EFCAB5: variants seen among roughly 807,000 people sequenced by gnomAD.
EFCAB5 encodes the protein EF-hand calcium-binding domain-containing protein 5.
In EFCAB5, 131 loss-of-function variants were observed where a neutral mutation model predicts 167.9. The ratio of observed to expected loss-of-function variants is 0.78; its 90% CI spans 0.68 to 0.90. The LOEUF (loss-of-function observed/expected upper bound fraction) is 0.90. Ranked by LOEUF, EFCAB5 falls within the 40% of genes least tolerant of loss-of-function variation. The pLI is 0.00. For missense variants in EFCAB5, 1,663 were observed against 1,745.2 expected, an observed-to-expected ratio of 0.95 and a Z score of 0.84; for synonymous variants, 574 against 602.8, an observed-to-expected ratio of 0.95 and a Z score of 0.70.
intron 22 of EFCAB5, among the ~76,000 whole-genome samples, chr17:30,101,372 G>A (rs920399140): frequency 1.3e-5 from 2 of 152,162 alleles, no homozygotes; most frequent in Non-Finnish European, 2.9e-5. Context: ...CAGTTTGAGT[G>A]TGGAATGAGA....
At chr17:29,967,325 G>A (rs2067850228) in intron 3 of EFCAB5, among the ~76,000 whole-genome samples, 2 of 152,282 alleles carry the variant, frequency 1.3e-5, no homozygotes, top group South Asian at 4.1e-4. Context: ...GCTGTCAATA[G>A]GTCATTTTCT....
At chr17:29,960,175 G>A (rs1328519206) in intron 3 of EFCAB5, among the ~76,000 whole-genome samples, 1 of 152,146 alleles carries the variant, frequency 6.6e-6, no homozygotes, top group Non-Finnish European at 1.5e-5. Flanking sequence ...ATCATATTCT[G>A]TCTCTGTACT....
chr17:29,960,803 G>A (rs918417623), intron 3 of EFCAB5, among the ~76,000 whole-genome samples: 1 of 151,822 alleles, frequency 6.6e-6, no homozygotes, highest in Non-Finnish European at 1.5e-5. Context: ...GGGATTTCTG[G>A]GTCATATGTA....
At chr17:30,051,038 C>A in intron 8 of EFCAB5, 80 bp from the exon 9 acceptor site, 2 of 1,146,386 alleles carry the variant, frequency 1.7e-6, no homozygotes, top group South Asian at 1.4e-5. Context: ...ATGATAAAAG[C>A]TTCAATAAGC....
chr17:29,951,850 C>G (rs1046030040), intron 3 of EFCAB5, among the ~76,000 whole-genome samples: 2 of 152,138 alleles, frequency 1.3e-5, no homozygotes, highest in African/African-American at 4.8e-5. Context: ...AACCACTGCT[C>G]TACAGTAGGA....
chr17:30,034,033 G>T (rs1320140321), intron 7 of EFCAB5, among the ~76,000 whole-genome samples, 197 bp from the exon 8 acceptor site: 2 of 152,194 alleles, frequency 1.3e-5, no homozygotes, highest in South Asian at 2.1e-4. Flanking sequence ...TGGTATTGGG[G>T]ACTGCATTAG....
chr17:29,995,817 C>T (rs1216967516), intron 5 of EFCAB5, among the ~76,000 whole-genome samples: 1 of 152,114 alleles, frequency 6.6e-6, no homozygotes, highest in African/African-American at 2.4e-5. Flanking sequence ...ATCATTTCAT[C>T]CTTTCTTAAA....
chr17:30,021,196 G>A (rs984456615), intron 7 of EFCAB5, among the ~76,000 whole-genome samples: 5 of 150,732 alleles, frequency 3.3e-5, no homozygotes, highest in African/African-American at 1.2e-4. Flanking sequence ...AAATAAGAGA[G>A]GAAAGTTAGG....
intron 9 of EFCAB5, among the ~76,000 whole-genome samples, 196 bp downstream of exon 9, chr17:30,051,413 A>G (rs2070093900): frequency 2.0e-5 from 3 of 152,192 alleles, no homozygotes; most frequent in Admixed American, 2.0e-4. Context: ...CATCACAACT[A>G]GATGTATTTT....
chr17:29,943,836 A>G (rs1458257129), intron 3 of EFCAB5, among the ~76,000 whole-genome samples, 187 bp downstream of exon 3: 1 of 152,070 alleles, frequency 6.6e-6, no homozygotes, highest in Non-Finnish European at 1.5e-5. Context: ...TTAGCTGGGC[A>G]TAGTGGCGGG....
At chr17:30,044,596 T>C (rs549245695) in intron 8 of EFCAB5, among the ~76,000 whole-genome samples, 178 of 152,002 alleles carry the variant, frequency 1.2e-3, no homozygotes, top group African/African-American at 4.2e-3. Context: ...AAAAATCTGA[T>C]ATTCATTATA....
chr17:30,057,642 A>G, intron 12 of EFCAB5, 34 bp from the exon 13 acceptor site: 1 of 1,575,148 alleles, frequency 6.3e-7, no homozygotes, highest in Non-Finnish European at 8.7e-7. Flanking sequence ...AAAATTGTTC[A>G]CTTTACTGCT....
chr17:30,073,903 AT>A (rs1333218987), intron 14 of EFCAB5: 2 of 300,556 alleles, frequency 6.7e-6, no homozygotes, highest in Non-Finnish European at 1.2e-5. Flanking sequence ...CTTAAAAAAA[AT>A]AAATAAAAGA....
chr17:30,101,460 G>A (rs1413858212), intron 22 of EFCAB5, among the ~76,000 whole-genome samples: 1 of 152,222 alleles, frequency 6.6e-6, no homozygotes, highest in Non-Finnish European at 1.5e-5. Context: ...GAACACGTAG[G>A]TGGAGCAGGC....
rs868613394 is a variant in EFCAB5 at position 30,097,063 on chromosome 17, T to A, written c.4321+4127T>A. ...ATATACATATACATATATATATATT[T>A]TTTTTTTTTTGAGATGGAGTTTCGC... On this transcript the variant is annotated intron_variant, in intron 22 of 22. Coordinates refer to ENST00000394835, the MANE Select transcript of EFCAB5 (RefSeq NM_198529.4). 7.3e-3 allele frequency among the ~76,000 whole-genome samples: 903 copies of A among 122,968 alleles called. 11 individuals carry two copies. The highest frequency in any genetic ancestry group is 0.025 in the African/African-American group (481 of 19,262). 80.7% of individuals were successfully genotyped at this position (122,968 alleles called of 152,430 possible). A position where few individuals can be genotyped will look rare whatever the true frequency, so the allele number is the denominator to read the frequency against.
At chr17:29,934,066 T>C (rs2067224888) in intron 1 of EFCAB5, among the ~76,000 whole-genome samples, 1 of 152,216 alleles carries the variant, frequency 6.6e-6, no homozygotes, top group African/African-American at 2.4e-5. Flanking sequence ...CAAACAAAGA[T>C]GTCTAAAAAT....
At chr17:30,096,356 G>T (rs1052626481) in intron 22 of EFCAB5, among the ~76,000 whole-genome samples, 19 of 152,144 alleles carry the variant, frequency 1.2e-4, no homozygotes, top group Admixed American at 1.2e-3. Flanking sequence ...CTGCTACTTT[G>T]ATATCTGATT....
chr17:30,029,237 C>T (rs892601082), intron 7 of EFCAB5, among the ~76,000 whole-genome samples: 16 of 152,090 alleles, frequency 1.1e-4, no homozygotes, highest in African/African-American at 3.1e-4. Context: ...ATTCATTGTA[C>T]GTTGAAAATA....
upstream of EFCAB5, among the ~76,000 whole-genome samples, chr17:29,938,432 T>C (rs1475085333): frequency 2.6e-5 from 4 of 152,214 alleles, no homozygotes; most frequent in Non-Finnish European, 5.9e-5. Flanking sequence ...AAGGCTAGCA[T>C]GGCTGTGAAA....
Sources: allele counts gnomAD v4.1 joint callset (sites outside exome capture counted in the v4.1 genomes callset), GRCh38; gene constraint gnomAD v4.1.1; transcripts MANE v1.5; gene names NCBI Gene and HGNC (gene_info 2026-07-23, HGNC 2026-07-21).